The following SRRM1 variants were observed in gnomAD, a reference collection of about 807,000 sequenced individuals.
SRRM1 encodes the protein serine and arginine repetitive matrix 1.
In SRRM1, 19 loss-of-function variants were observed where a neutral mutation model predicts 110.2. That is an observed-to-expected ratio of 0.17 (90% confidence interval 0.12 to 0.25). SRRM1 has a LOEUF of 0.25. Among genes scored for constraint, SRRM1 ranks in the 10% least tolerant of loss-of-function variants. The pLI, the probability that SRRM1 is intolerant of heterozygous loss-of-function variation, is 1.00. For missense variants in SRRM1, 918 were observed against 1,145.8 expected (o/e 0.80, Z 2.87); for synonymous variants, 443 against 414.9 (o/e 1.07, Z -0.82).
chr1:24,643,529 G>A, intron 1 of SRRM1, 182 bp downstream of exon 1: 1 of 474,332 alleles, frequency 2.1e-6, no homozygotes, highest in Non-Finnish European at 3.5e-6. Flanking sequence ...GCGCCCCTGC[G>A]CAGTCTCCTC....
intron 16 of SRRM1, among the ~76,000 whole-genome samples, chr1:24,671,856 T>C (rs1258801768): frequency 6.6e-6 from 1 of 152,024 alleles, no homozygotes; most frequent in Non-Finnish European, 1.5e-5. Context: ...CAGTGGCCAT[T>C]ATATTTGCAT....
At chr1:24,646,646 A>G in intron 2 of SRRM1, 21 bp from the exon 3 acceptor site, 3 of 1,562,374 alleles carry the variant, frequency 1.9e-6, no homozygotes, top group South Asian at 1.2e-5. Flanking sequence ...GTTGTACTTA[A>G]TTGTTTCTAT....
chr1:24,657,917 A>G (rs1056213144), intron 9 of SRRM1, among the ~76,000 whole-genome samples: 1 of 152,206 alleles, frequency 6.6e-6, no homozygotes, highest in South Asian at 2.1e-4. Context: ...GTCACAGAGT[A>G]ACTTATCTTT....
rs1413390749 is a variant in SRRM1 at position 24,672,205 on chromosome 1, T to C, written c.2634T>C (p.Asp878=). 6.2e-7 allele frequency: 1 copy of C among 1,610,700 alleles called. No individual in the cohort carries two copies. Among genetic ancestry groups the C allele is most frequent in the African/African-American group, 1.3e-5 (1 of 74,856 alleles). Residue 878 remains aspartate (D), a synonymous_variant, in exon 17 of 17, where the codon GAT becomes GAC. Coordinates refer to ENST00000323848, the MANE Select transcript of SRRM1 (RefSeq NM_005839.4). The part of the protein sequence containing the change: ...PKKETESEAE[D]NLDDLEKHLR... The stretch of plus-strand genomic sequence containing the variant: ...AGGAGACTGAAAGTGAAGCTGAAGA[T>C]AACCTTGATGATTTAGAAAAGCACC...
rs555158195 is a variant in SRRM1, at chr1:24,657,300, T to G, written c.1315+2171T>G. ...ACAGTTGTCATCAAGAAACAGATTT[T>G]CAGGTTAGTTGACTTGGTCAAGGTC... On this transcript the variant is annotated intron_variant, in intron 9 of 16. Transcript: ENST00000323848. Among the ~76,000 whole-genome samples the G allele has an allele frequency of 2.6e-5, 4 of 152,340 alleles. No homozygotes were observed. In the East Asian group the frequency reaches 7.7e-4, roughly 29 times the overall value.
intron 9 of SRRM1, among the ~76,000 whole-genome samples, chr1:24,659,361 G>A (rs538269405): frequency 6.6e-6 from 1 of 152,296 alleles, no homozygotes; most frequent in South Asian, 2.1e-4. Context: ...GAATGTGAGT[G>A]TCTGTTAAAT....
chr1:24,664,582 C>T (rs1668946355), intron 12 of SRRM1, among the ~76,000 whole-genome samples: 1 of 152,182 alleles, frequency 6.6e-6, no homozygotes, highest in Non-Finnish European at 1.5e-5. Context: ...CTTTTTGTAG[C>T]TCAGTTTTTG....
intron 6 of SRRM1, among the ~76,000 whole-genome samples, chr1:24,652,029 AATATATATATATAT>A (rs1215778545): frequency 0.031 from 2,499 of 79,868 alleles, 167 homozygotes; most frequent in African/African-American, 0.093. Context: ...CTGTACTAAA[AATATATATATATAT>A]ATATATATAT....
chr1:24,655,842 A>T (rs1455720402), intron 9 of SRRM1, among the ~76,000 whole-genome samples: 1 of 152,184 alleles, frequency 6.6e-6, no homozygotes, highest in Non-Finnish European at 1.5e-5. Flanking sequence ...CTAAAAGGTG[A>T]GTAGTAAGGG....
At chr1:24,654,814 A>G (rs769407669) in intron 8 of SRRM1, 41 bp from the exon 9 acceptor site, 163 of 1,610,762 alleles carry the variant, frequency 1.0e-4, no homozygotes, top group Middle Eastern at 4.9e-4. Context: ...GCCGTTCTTT[A>G]TAAGTGTGCA....
chr1:24,664,649 A>G (rs557727147), intron 12 of SRRM1, among the ~76,000 whole-genome samples: 3 of 152,362 alleles, frequency 2.0e-5, no homozygotes, highest in Admixed American at 6.5e-5. Context: ...GAAAGGAACC[A>G]GTGAGCAGTG....
intron 9 of SRRM1, among the ~76,000 whole-genome samples, chr1:24,656,686 T>A (rs1664299850): frequency 6.6e-6 from 1 of 152,242 alleles, no homozygotes; most frequent in African/African-American, 2.4e-5. Context: ...AAAAAACAAG[T>A]GTTTTTACCT....
At position 24,669,198 on chromosome 1, in the gene SRRM1, T is replaced by C. The variant is rs1484784974; in HGVS notation, c.1815T>C (p.Ser605=). The C allele has an allele frequency of 6.2e-7, 1 of 1,614,046 alleles. No homozygotes were observed. Among genetic ancestry groups the C allele is most frequent in the Non-Finnish European group, 8.5e-7 (1 of 1,180,030 alleles). ...CTCCTCCAATACAGAGGAGATACTC[T>C]CCTTCTCCACCTCCAAAGAGAAGAA... ...RYSPPIQRRY[S]PSPPPKRRTA... is the part of the protein sequence containing the mutation. Residue 605 remains serine, a synonymous_variant, in exon 14 of 17, where the codon TCT becomes TCC. Coordinates refer to ENST00000323848, the MANE Select transcript of SRRM1 (RefSeq NM_005839.4).
rs1557666597 is a variant in SRRM1 at position 24,651,383 on chromosome 1, CCTG to C, written c.522-25_522-23del. On this transcript the variant is annotated intron_variant, in intron 5 of 16. Transcript: ENST00000323848. ...TCTTCCAATCCATGTTATTTAAAAA[CCTG>C]AAAAAAATTACTTTCATCCTAGACG... 3 of 1,595,274 alleles carry C rather than the reference CCTG, an allele frequency of 1.9e-6. No individual in the cohort carries two copies. In the Admixed American group the frequency reaches 5.1e-5, roughly 27 times the overall value.
intron 13 of SRRM1, among the ~76,000 whole-genome samples, chr1:24,668,133 A>G (rs1417499808): frequency 4.0e-5 from 6 of 151,722 alleles, no homozygotes; most frequent in Non-Finnish European, 8.8e-5. Context: ...CACCACACCC[A>G]GCCAGTTTTT....
At position 24,643,394 on chromosome 1, in the gene SRRM1, T is replaced by C. The variant is rs762255213; in HGVS notation, c.21+47T>C. 28 of 1,507,554 alleles carry C rather than the reference T, an allele frequency of 1.9e-5. No individual in the cohort carries two copies. The East Asian group carries it at 2.5e-4, about 13-fold the overall frequency. 93.4% of individuals were successfully genotyped at this position (1,507,554 alleles called of 1,614,324 possible). The stretch of plus-strand genomic sequence containing the variant: ...CGGGGTGAGGCCAGGGACTTCTCGG[T>C]AAGGCCTGGTAGGAGACCTTAGCTT... On this transcript the variant is annotated intron_variant, in intron 1 of 16. Transcript: ENST00000323848.
At chr1:24,662,283 A>T (rs186056234) in intron 11 of SRRM1, among the ~76,000 whole-genome samples, 15 of 152,334 alleles carry the variant, frequency 9.8e-5, no homozygotes, top group African/African-American at 3.6e-4. Context: ...CCTTGTCTCA[A>T]CTAAAAATAC....
intron 1 of SRRM1, among the ~76,000 whole-genome samples, chr1:24,645,131 C>T (rs1188214094): frequency 6.6e-6 from 1 of 152,210 alleles, no homozygotes; most frequent in Non-Finnish European, 1.5e-5. Context: ...GGTATGTACA[C>T]AGCAACCCTG....
At chr1:24,650,160 G>A in intron 5 of SRRM1, 74 bp downstream of exon 5, 1 of 1,372,524 alleles carries the variant, frequency 7.3e-7, no homozygotes, top group Non-Finnish European at 9.6e-7. Context: ...AGTTAAAAAG[G>A]AATCTAACAG....
Sources: allele counts gnomAD v4.1 joint callset (sites outside exome capture counted in the v4.1 genomes callset), GRCh38; gene constraint gnomAD v4.1.1; transcripts MANE v1.5; gene names NCBI Gene and HGNC (gene_info 2026-07-23, HGNC 2026-07-21).